The following ASPA variants were observed in gnomAD, a reference collection of about 807,000 sequenced individuals.
ASPA encodes aspartoacylase.
A neutral mutation model predicts 29.6 loss-of-function variants in ASPA; 25 were observed. That is an observed-to-expected ratio of 0.85 (90% CI 0.62 to 1.18). ASPA has a LOEUF of 1.18. ASPA is among the 50% of genes most tolerant of loss of function. The pLI is 0.00. For missense variants in ASPA, 333 were observed against 385.7 expected, an observed-to-expected ratio of 0.86 and a Z score of 1.14; for synonymous variants, 131 against 130.3, an observed-to-expected ratio of 1.01 and a Z score of -0.04.
chr17:3,491,710 T>G (rs1245160725), intron 4 of ASPA, among the ~76,000 whole-genome samples: 1 of 151,712 alleles, frequency 6.6e-6, no homozygotes, highest in Non-Finnish European at 1.5e-5. Context: ...TTCATGCCAC[T>G]GCACTCCAGC....
At position 3,485,029 on chromosome 17, in the gene ASPA, T is replaced by G. The variant is rs963038329; in HGVS notation, c.526+1437T>G. On this transcript the variant is annotated intron_variant, in intron 3 of 5. Transcript: ENST00000263080. This position sits in a 1 kb window ranked among gnomAD's most constrained non-coding sequence, Gnocchi z 4.4. ...CATTCACAGTAGGGTTTTGTTTTGT[T>G]TTTTTTCTGGAAAAGGGTCTCACTC... Among the ~76,000 whole-genome samples the G allele has an allele frequency of 6.6e-6, 1 of 151,962 alleles. No individual in the cohort carries two copies. Among genetic ancestry groups the G allele is most frequent in the South Asian group, 2.1e-4 (1 of 4,820 alleles).
At chr17:3,483,633 T>C in intron 3 of ASPA, 41 bp downstream of exon 3, 1 of 1,514,634 alleles carries the variant, frequency 6.6e-7, no homozygotes. Context: ...ATAAAATATG[T>C]CCTAGCTGAA....
rs745795378 is a variant in ASPA at position 3,485,486 on chromosome 17, C to T, written c.526+1894C>T. On this transcript the variant is annotated intron_variant, in intron 3 of 5. Coordinates refer to ENST00000263080, the MANE Select transcript of ASPA (RefSeq NM_000049.4). The surrounding 1 kb of genome is among the most constrained non-coding windows in gnomAD (Gnocchi z 4.4). ...CGAGATCATGCCATTGCACTCCAGC[C>T]GGGGCAACAAAAGTGAAACTCCGTC... Among the ~76,000 whole-genome samples, 2 of 152,124 alleles carry T rather than the reference C, an allele frequency of 1.3e-5. No individual in the cohort carries two copies. The highest frequency in any genetic ancestry group is 6.6e-5 in the Admixed American group (1 of 15,264).
chr17:3,496,044 A>T (rs962337413), intron 5 of ASPA, among the ~76,000 whole-genome samples: 1 of 152,240 alleles, frequency 6.6e-6, no homozygotes, highest in African/African-American at 2.4e-5. Context: ...AATCCCAGGC[A>T]GACGGAGAAG....
At chr17:3,476,427 T>C in intron 1 of ASPA, 32 bp downstream of exon 1, 1 of 1,595,726 alleles carries the variant, frequency 6.3e-7, no homozygotes, top group Non-Finnish European at 8.6e-7. Flanking sequence ...TATATGTATG[T>C]ATGTTGTGTG....
chr17:3,481,062 A>G (rs1467015631), intron 1 of ASPA, among the ~76,000 whole-genome samples: 1 of 152,134 alleles, frequency 6.6e-6, no homozygotes, highest in Admixed American at 6.6e-5. Context: ...GTTTGAGGGT[A>G]CAGTGATCCA....
chr17:3,483,380 T>C, intron 2 of ASPA, 119 bp from the exon 3 acceptor site: 1 of 827,902 alleles, frequency 1.2e-6, no homozygotes, highest in Non-Finnish European at 2.1e-6. Context: ...TTCATAAAGC[T>C]GTCTTACCAA....
intron 5 of ASPA, 92 bp from the exon 6 acceptor site, chr17:3,498,799 T>C (rs2073951420): frequency 2.0e-5 from 24 of 1,210,498 alleles, no homozygotes; most frequent in Non-Finnish European, 2.5e-5. Context: ...AACAACAGAA[T>C]ACTGTAATTT....
At chr17:3,483,436 T>C in intron 2 of ASPA, 63 bp from the exon 3 acceptor site, 2 of 1,418,170 alleles carry the variant, frequency 1.4e-6, no homozygotes, top group Non-Finnish European at 2.0e-6. Flanking sequence ...ATTGACTCTG[T>C]TGAAGCAAAG....
Position 3,481,687 on chromosome 17 carries a change from T to A in ASPA, c.321T>A (p.Asp107Glu). Residue 107 changes from aspartate to glutamate, a missense_variant, in exon 2 of 6, where the codon GAT (aspartate) becomes GAA (glutamate). Coordinates refer to ENST00000263080, the MANE Select transcript of ASPA (RefSeq NM_000049.4). ...TATTTGGTCCAAAAGACAGTGAAGATTCCTATGACATTATTTTTGACCTTC... is the reference window on the plus strand; with the variant it reads ...TATTTGGTCCAAAAGACAGTGAAGAATCCTATGACATTATTTTTGACCTTC... ...NHLFGPKDSE[D>E]SYDIIFDLHN... 6.2e-7 allele frequency: 1 copy of A among 1,613,908 alleles called. No individual in the cohort carries two copies. The highest frequency in any genetic ancestry group is 8.5e-7 in the Non-Finnish European group (1 of 1,179,920).
chr17:3,493,444 C>T (rs1460502193), intron 4 of ASPA, among the ~76,000 whole-genome samples: 1 of 151,186 alleles, frequency 6.6e-6, no homozygotes, highest in Non-Finnish European at 1.5e-5. Flanking sequence ...GCCCATAGTC[C>T]CAGCTACTCA....
rs963207576 is a variant in ASPA at position 3,502,404 on chromosome 17, T to C, written c.*3316T>C. 2 of 152,258 alleles carry C rather than the reference T, an allele frequency of 1.3e-5. No individual in the cohort carries two copies. Among genetic ancestry groups the C allele is most frequent in the Non-Finnish European group, 2.9e-5 (2 of 68,044 alleles). 9.4% of individuals were successfully genotyped at this position (152,258 alleles called of 1,614,324 possible). A position where few individuals can be genotyped will look rare whatever the true frequency, so the allele number is the denominator to read the frequency against. On this transcript the variant is annotated 3_prime_UTR_variant, in exon 6 of 6. Transcript: ENST00000263080. ...CCAAGGCTGAAATATCTCTGAGGTA[T>C]GCCTGTAATGTATAAGTGCTAGTAG...
At position 3,490,927 on chromosome 17, in the gene ASPA, C is replaced by T. The variant is rs1358688100; in HGVS notation, c.634+1585C>T. Among the ~76,000 whole-genome samples, 2 of 152,090 alleles carry T rather than the reference C, an allele frequency of 1.3e-5. No homozygotes were observed. Among genetic ancestry groups the T allele is most frequent in the African/African-American group, 2.4e-5 (1 of 41,404 alleles). Reference sequence around the variant, plus strand: ...TAACATTTCATTTAAGCAAAGGATTCGGCAAATCAAAAATTGTCAACCACG... The same window carrying T: ...TAACATTTCATTTAAGCAAAGGATTTGGCAAATCAAAAATTGTCAACCACG... On this transcript the variant is annotated intron_variant, in intron 4 of 5. Coordinates refer to ENST00000263080, the MANE Select transcript of ASPA (RefSeq NM_000049.4). This position sits in a 1 kb window ranked among gnomAD's most constrained non-coding sequence, Gnocchi z 4.6.
At chr17:3,491,923 G>T (rs1442668074) in intron 4 of ASPA, among the ~76,000 whole-genome samples, 2 of 134,072 alleles carry the variant, frequency 1.5e-5, no homozygotes, top group African/African-American at 5.5e-5. Flanking sequence ...TGTTGCCTAG[G>T]CTGGAGTGCA....
chr17:3,484,316 A>G (rs1202264935), intron 3 of ASPA, among the ~76,000 whole-genome samples: 1 of 152,218 alleles, frequency 6.6e-6, no homozygotes, highest in Non-Finnish European at 1.5e-5. Context: ...AACAATGAGC[A>G]AGACACACAG....
At chr17:3,484,705 A>G (rs2073689634) in intron 3 of ASPA, among the ~76,000 whole-genome samples, 1 of 152,240 alleles carries the variant, frequency 6.6e-6, no homozygotes, top group African/African-American at 2.4e-5. Context: ...AGCAATGTCA[A>G]ATTGCTATAA....
rs1238563930 is a variant in ASPA, at chr17:3,500,364, T to A, written c.*1276T>A. On this transcript the variant is annotated 3_prime_UTR_variant, in exon 6 of 6. Transcript: ENST00000263080. ...ATTGGAAGAAGATGCTATCTAGGAC[T>A]TTCCTAGCTAGAGGGGAGAAATGAA... is the stretch of plus-strand genomic sequence containing the variant. The A allele has an allele frequency of 1.3e-5, 2 of 152,338 alleles. No homozygotes were observed. Among genetic ancestry groups the A allele is most frequent in the African/African-American group, 4.8e-5 (2 of 41,450 alleles). The allele number at this position is 152,338 out of a possible 1,614,324, so 9.4% of individuals were successfully genotyped here.
chr17:3,494,240 G>A, intron 4 of ASPA, 110 bp from the exon 5 acceptor site: 20 of 773,242 alleles, frequency 2.6e-5, no homozygotes, highest in Non-Finnish European at 4.6e-5. Flanking sequence ...CTGACCTCAG[G>A]TGATCCACCC....
intron 1 of ASPA, among the ~76,000 whole-genome samples, 183 bp downstream of exon 1, chr17:3,476,578 G>C (rs757391645): frequency 5.9e-5 from 9 of 152,130 alleles, no homozygotes; most frequent in Non-Finnish European, 1.2e-4. Flanking sequence ...TATCTAAACT[G>C]GGCATTCACA....
Sources: allele counts gnomAD v4.1 joint callset (sites outside exome capture counted in the v4.1 genomes callset), GRCh38; gene constraint gnomAD v4.1.1; non-coding constraint Gnocchi (gnomAD v3.1); transcripts MANE v1.5; gene names NCBI Gene and HGNC (gene_info 2026-07-23, HGNC 2026-07-21).